CDH12: variants seen among roughly 807,000 people sequenced by gnomAD.
CDH12 encodes the protein cadherin-12.
CDH12 carries 41 observed loss-of-function variants against 74.1 expected under a neutral mutation model. That is an observed-to-expected ratio of 0.55 (90% CI 0.43 to 0.72). CDH12 has a LOEUF of 0.72. Among genes scored for constraint, CDH12 ranks in the 30% least tolerant of loss-of-function variants. The pLI, the probability that CDH12 is intolerant of heterozygous loss-of-function variation, is 0.00. For missense variants in CDH12, 945 were observed against 977.2 expected (o/e 0.97, Z 0.44); for synonymous variants, 399 against 355.0 (o/e 1.12, Z -1.39).
intron 8 of CDH12, among the ~76,000 whole-genome samples, chr5:21,840,543 G>A (rs376623132): frequency 0.036 from 5,529 of 151,716 alleles, 293 homozygotes; most frequent in African/African-American, 0.12. Context: ...AGCCCGCATC[G>A]CCAAGCCAAT....
chr5:22,530,712 T>A (rs1028427517), intron 1 of CDH12, among the ~76,000 whole-genome samples: 1 of 152,134 alleles, frequency 6.6e-6, no homozygotes, highest in Non-Finnish European at 1.5e-5. Context: ...TGTAATTCTA[T>A]CATCTCAATG....
chr5:22,137,382 T>A (rs1746524040), intron 4 of CDH12, among the ~76,000 whole-genome samples: 1 of 151,946 alleles, frequency 6.6e-6, no homozygotes, highest in Admixed American at 6.6e-5. Flanking sequence ...ATTTTTTGAG[T>A]CTTTTGGGAT....
At chr5:22,352,043 T>C (rs760591356) in intron 3 of CDH12, among the ~76,000 whole-genome samples, 1 of 152,150 alleles carries the variant, frequency 6.6e-6, no homozygotes, top group Non-Finnish European at 1.5e-5. Context: ...CTTTATAAAT[T>C]AATAACATTT....
chr5:22,369,646 G>A (rs1741187537), intron 3 of CDH12, among the ~76,000 whole-genome samples: 1 of 152,182 alleles, frequency 6.6e-6, no homozygotes, highest in Admixed American at 6.5e-5. Context: ...GGACTGAGGA[G>A]ATGCCACCAT....
At chr5:22,819,781 T>C (rs981864760) in intron 1 of CDH12, among the ~76,000 whole-genome samples, 1 of 150,978 alleles carries the variant, frequency 6.6e-6, no homozygotes, top group Non-Finnish European at 1.5e-5. Context: ...TAAATGGTCA[T>C]AGAAAAAACA....
At chr5:22,771,062 AAGATAAG>A (rs922772882) in intron 1 of CDH12, among the ~76,000 whole-genome samples, 32 of 152,130 alleles carry the variant, frequency 2.1e-4, no homozygotes, top group African/African-American at 7.5e-4. Context: ...CATACATTCT[AAGATAAG>A]AGACAACAAC....
chr5:21,871,387 AG>A (rs1751608603), intron 6 of CDH12, among the ~76,000 whole-genome samples: 2 of 152,324 alleles, frequency 1.3e-5, no homozygotes, highest in African/African-American at 4.8e-5. Flanking sequence ...TTACATATAA[AG>A]GAATTATAAT....
chr5:21,834,818 C>G (rs965228113), intron 8 of CDH12, among the ~76,000 whole-genome samples: 3 of 152,008 alleles, frequency 2.0e-5, no homozygotes, highest in African/African-American at 4.8e-5. Context: ...CCCACACCAT[C>G]CCTTCAACCT....
chr5:22,420,029 G>A (rs1375709382), intron 2 of CDH12, among the ~76,000 whole-genome samples: 1 of 151,634 alleles, frequency 6.6e-6, no homozygotes, highest in Non-Finnish European at 1.5e-5. Flanking sequence ...TGGTGTGTGT[G>A]TGTGTTGTAA....
At position 22,675,526 on chromosome 5, in the gene CDH12, G is replaced by C. The variant is rs556317701; in HGVS notation, c.-522-170162C>G. Among the ~76,000 whole-genome samples, 188 of 152,280 alleles carry C rather than the reference G, an allele frequency of 1.2e-3. 2 individuals are homozygous for C. The highest frequency in any genetic ancestry group is 5.9e-5 in the Non-Finnish European group (4 of 68,020). ...AGAAGGGACTTGCCTTGTCTCAGAT[G>C]AGACTTTGGACTGTGGACTTTTGAG... On this transcript the variant is annotated intron_variant, in intron 1 of 14. Transcript: ENST00000382254.
At chr5:22,804,404 G>A (rs1277572924) in intron 1 of CDH12, among the ~76,000 whole-genome samples, 1 of 152,076 alleles carries the variant, frequency 6.6e-6, no homozygotes, top group South Asian at 2.1e-4. Flanking sequence ...GAAGGATGGG[G>A]GGGAGATTTT....
At chr5:22,823,719 A>G (rs1335556409) in intron 1 of CDH12, among the ~76,000 whole-genome samples, 4 of 151,978 alleles carry the variant, frequency 2.6e-5, no homozygotes, top group African/African-American at 9.7e-5. Flanking sequence ...TGTTCTCATG[A>G]TAATAGGGGG....
chr5:22,806,703 G>T (rs1748834122), intron 1 of CDH12, among the ~76,000 whole-genome samples: 1 of 152,078 alleles, frequency 6.6e-6, no homozygotes, highest in South Asian at 2.1e-4. Context: ...TTGTGGTTTT[G>T]ATTTGCATTT....
chr5:22,228,019 T>G (rs1752253416), intron 3 of CDH12, among the ~76,000 whole-genome samples: 1 of 152,166 alleles, frequency 6.6e-6, no homozygotes, highest in African/African-American at 2.4e-5. Flanking sequence ...CTTTGCTATT[T>G]AATAACTGCA....
chr5:22,578,032 T>C (rs531170739), intron 1 of CDH12, among the ~76,000 whole-genome samples: 1 of 152,274 alleles, frequency 6.6e-6, no homozygotes, highest in Admixed American at 6.5e-5. Flanking sequence ...AACTAGTGGA[T>C]GAAAATATGT....
intron 9 of CDH12, among the ~76,000 whole-genome samples, chr5:21,814,020 G>A (rs1166717586): frequency 1.3e-5 from 2 of 152,022 alleles, no homozygotes; most frequent in African/African-American, 4.8e-5. Flanking sequence ...GGAAAACAGT[G>A]GCTGCTTCCA....
At chr5:22,447,030 C>T (rs1411411823) in intron 2 of CDH12, among the ~76,000 whole-genome samples, 2 of 152,006 alleles carry the variant, frequency 1.3e-5, no homozygotes, top group Non-Finnish European at 2.9e-5. Context: ...TCCTTCCTTG[C>T]ATTAGCATAC....
intron 6 of CDH12, among the ~76,000 whole-genome samples, chr5:21,947,122 C>A (rs1267238206): frequency 6.6e-6 from 1 of 152,186 alleles, no homozygotes; most frequent in Non-Finnish European, 1.5e-5. Context: ...GAGGCCTCTC[C>A]AGCCATGCAG....
chr5:22,359,245 C>A (rs959522958), intron 3 of CDH12, among the ~76,000 whole-genome samples: 2 of 151,898 alleles, frequency 1.3e-5, no homozygotes, highest in African/African-American at 4.8e-5. Context: ...ATCTACCAAG[C>A]AAATGGAAAA....
Sources: gnomAD v4.1 joint callset for allele counts (sites outside exome capture counted in the v4.1 genomes callset) on GRCh38, gnomAD v4.1.1 for gene constraint, MANE v1.5 for transcripts, NCBI Gene and HGNC (gene_info 2026-07-23, HGNC 2026-07-21) for gene names.